Variants in FMNL2 observed in about 807,000 individuals in gnomAD.
FMNL2 encodes formin-like protein 2.
In FMNL2, 51 loss-of-function variants were observed where a neutral mutation model predicts 130.2. That is an observed-to-expected ratio of 0.39 (90% CI 0.31 to 0.49). The LOEUF is 0.49. Ranked by LOEUF, FMNL2 falls within the 20% of genes least tolerant of loss-of-function variation. FMNL2 has a pLI of 0.85. For missense variants in FMNL2, 977 were observed against 1,316.2 expected, an observed-to-expected ratio of 0.74 and a Z score of 3.99; for synonymous variants, 465 against 467.1, an observed-to-expected ratio of 1.00 and a Z score of 0.06.
At chr2:152,397,390 A>G (rs199896926) in intron 1 of FMNL2, among the ~76,000 whole-genome samples, 33 of 4,288 alleles carry the variant, frequency 7.7e-3, no homozygotes, top group East Asian at 0.12. Context: ...GTTAGGGGGA[A>G]AAAAAAAAAT....
At position 152,619,553 on chromosome 2, in the gene FMNL2, C is replaced by CCAG; in HGVS notation, c.1673_1674insAGC (p.Pro558_Pro559insAla). 2.2e-6 allele frequency: 3 copies of CCAG among 1,360,168 alleles called. No individual in the cohort carries two copies. The highest frequency in any genetic ancestry group is 2.9e-6 in the Non-Finnish European group (3 of 1,047,700). The allele number at this position is 1,360,168 out of a possible 1,614,324, so 84.3% of individuals were successfully genotyped here. On this transcript the variant is annotated inframe_insertion, in exon 15 of 26. Coordinates refer to ENST00000288670, the MANE Select transcript of FMNL2 (RefSeq NM_052905.4). Reference sequence around the variant, plus strand: ...ACCACCTATGCCACCGCCGCCGCCGCCCCCTCCTCCACCTCCTCCTCCCCC... The same window carrying CCAG: ...ACCACCTATGCCACCGCCGCCGCCGCCAGCCCCTCCTCCACCTCCTCCTCCCCC...
intron 1 of FMNL2, among the ~76,000 whole-genome samples, chr2:152,374,560 C>T (rs979966112): frequency 5.9e-5 from 9 of 151,970 alleles, no homozygotes; most frequent in Admixed American, 2.0e-4. Flanking sequence ...ATGAAAATGA[C>T]GCGGATTATG....
At chr2:152,418,469 C>T (rs1463553372) in intron 1 of FMNL2, among the ~76,000 whole-genome samples, 1 of 152,120 alleles carries the variant, frequency 6.6e-6, no homozygotes, top group Non-Finnish European at 1.5e-5. Context: ...TTCCCCCCAC[C>T]CCTTCCCCTG....
At chr2:152,647,751 C>T (rs752628137) in intron 25 of FMNL2, 45 bp from the exon 26 acceptor site, 109 of 1,576,008 alleles carry the variant, frequency 6.9e-5, no homozygotes, top group Non-Finnish European at 8.8e-5. Flanking sequence ...TAGACACATG[C>T]TATTAAAGGT....
intron 1 of FMNL2, among the ~76,000 whole-genome samples, chr2:152,347,444 T>C (rs532185817): frequency 4.3e-4 from 66 of 152,324 alleles, no homozygotes; most frequent in African/African-American, 1.6e-3. Context: ...ATCACCTTAA[T>C]GGTATTTTTG....
chr2:152,572,379 A>G (rs1304285239), intron 6 of FMNL2, among the ~76,000 whole-genome samples: 1 of 152,206 alleles, frequency 6.6e-6, no homozygotes, highest in Non-Finnish European at 1.5e-5. Context: ...GGTGAGCACC[A>G]GAGGCCATTT....
chr2:152,595,791 A>G (rs1028720766), intron 9 of FMNL2, among the ~76,000 whole-genome samples: 1 of 151,952 alleles, frequency 6.6e-6, no homozygotes, highest in Non-Finnish European at 1.5e-5. Flanking sequence ...GAAATCTAAC[A>G]TTCACCTGGC....
At chr2:152,340,735 A>G (rs912448836) in intron 1 of FMNL2, among the ~76,000 whole-genome samples, 2 of 152,138 alleles carry the variant, frequency 1.3e-5, no homozygotes, top group African/African-American at 4.8e-5. Context: ...TCTGTCGCCC[A>G]GGCTGGAGTG....
intron 1 of FMNL2, among the ~76,000 whole-genome samples, chr2:152,487,166 C>T (rs1221217444): frequency 6.6e-6 from 1 of 152,184 alleles, no homozygotes; most frequent in African/African-American, 2.4e-5. Context: ...TATTCTACAG[C>T]AATGAAAACT....
At chr2:152,418,504 C>T (rs1362315405) in intron 1 of FMNL2, among the ~76,000 whole-genome samples, 1 of 152,080 alleles carries the variant, frequency 6.6e-6, no homozygotes, top group African/African-American at 2.4e-5. Flanking sequence ...CCTTCTCAGT[C>T]CCCATGAATA....
Position 152,335,677 on chromosome 2 carries a change from T to A in FMNL2, c.74T>A (p.Met25Lys). 6.3e-7 allele frequency: 1 copy of A among 1,591,462 alleles called. No homozygotes were observed. The highest frequency in any genetic ancestry group is 8.6e-7 in the Non-Finnish European group (1 of 1,169,046). ...RAHNVPLKLP[M>K]PEPGELEERF... is the part of the protein sequence containing the mutation. ...CACAACGTGCCTTTGAAGCTGCCGATGCCAGAGCCAGGTGAACTGGAGGAG... is the reference window on the plus strand; with the variant it reads ...CACAACGTGCCTTTGAAGCTGCCGAAGCCAGAGCCAGGTGAACTGGAGGAG... The change falls in exon 1 of 26, where the codon ATG (methionine) becomes AAG (lysine). Residue 25 changes from methionine (M) to lysine (K), a missense_variant. Physicochemically the swap from Met to Lys is moderately conservative, Grantham distance 95. Transcript: ENST00000288670.
chr2:152,607,205 A>G, intron 9 of FMNL2, 134 bp from the exon 10 acceptor site: 1 of 705,236 alleles, frequency 1.4e-6, no homozygotes. Flanking sequence ...ACTAGCTTAG[A>G]AGGGAAGTAA....
At chr2:152,467,518 A>G (rs1031232603) in intron 1 of FMNL2, among the ~76,000 whole-genome samples, 11 of 152,148 alleles carry the variant, frequency 7.2e-5, no homozygotes, top group African/African-American at 2.4e-4. Flanking sequence ...TCCCCTGTGA[A>G]TGCTGCTGAC....
At chr2:152,381,256 C>T (rs1579526504) in intron 1 of FMNL2, among the ~76,000 whole-genome samples, 2 of 152,186 alleles carry the variant, frequency 1.3e-5, no homozygotes, top group East Asian at 1.9e-4. Flanking sequence ...CCTGAGAGGT[C>T]GAAATTATGA....
At chr2:152,359,290 T>A (rs893022772) in intron 1 of FMNL2, among the ~76,000 whole-genome samples, 4 of 152,146 alleles carry the variant, frequency 2.6e-5, no homozygotes, top group Non-Finnish European at 4.4e-5. Flanking sequence ...AGGAGATAAC[T>A]GTAATTAATT....
At chr2:152,628,139 C>A (rs1681919752) in intron 17 of FMNL2, among the ~76,000 whole-genome samples, 160 bp from the exon 18 acceptor site, 1 of 152,200 alleles carries the variant, frequency 6.6e-6, no homozygotes, top group African/African-American at 2.4e-5. Context: ...CAGGGTGGGA[C>A]TTCACAGGAC....
chr2:152,351,232 C>T (rs955422680), intron 1 of FMNL2, among the ~76,000 whole-genome samples: 1 of 152,140 alleles, frequency 6.6e-6, no homozygotes, highest in Non-Finnish European at 1.5e-5. Context: ...GATACATGTG[C>T]AGAACGTGCA....
At chr2:152,563,920 G>A (rs115052640) in intron 6 of FMNL2, among the ~76,000 whole-genome samples, 153 of 152,160 alleles carry the variant, frequency 1.0e-3, no homozygotes, top group African/African-American at 3.6e-3. Context: ...GCTTCAAACC[G>A]GAAAATCTCA....
At position 152,649,315 on chromosome 2, in the gene FMNL2, T is replaced by C. The variant is rs1683875977; in HGVS notation, c.*1410T>C. On this transcript the variant is annotated 3_prime_UTR_variant, in exon 26 of 26. Coordinates refer to ENST00000288670, the MANE Select transcript of FMNL2 (RefSeq NM_052905.4). The stretch of plus-strand genomic sequence containing the variant: ...CCACCTAAGCCTCTGGGTAATATTG[T>C]AAATATTGTTTTAAAATGCATCAGC... 1 of 152,574 alleles carries C rather than the reference T, an allele frequency of 6.6e-6. No individual in the cohort carries two copies. Among genetic ancestry groups the C allele is most frequent in the African/African-American group, 2.4e-5 (1 of 41,444 alleles). 9.5% of individuals were successfully genotyped at this position (152,574 alleles called of 1,614,324 possible).
Sources: allele counts gnomAD v4.1 joint callset (sites outside exome capture counted in the v4.1 genomes callset), GRCh38; gene constraint gnomAD v4.1.1; transcripts MANE v1.5; gene names NCBI Gene and HGNC (gene_info 2026-07-23, HGNC 2026-07-21).